Variants in CSMD1 observed in about 807,000 individuals in gnomAD.
The protein encoded by CSMD1 is CUB and Sushi multiple domains 1, also known as CUB and sushi domain-containing protein 1.
Under a neutral mutation model 417.5 loss-of-function variants are expected in CSMD1, and 213 were observed. The observed-to-expected ratio is 0.51, with a 90% CI of 0.46 to 0.57. The LOEUF is 0.57. Ranked by LOEUF, CSMD1 falls within the 20% of genes least tolerant of loss-of-function variation. The pLI, the probability that CSMD1 is intolerant of heterozygous loss-of-function variation, is 0.00. For missense variants in CSMD1, 6,923 were observed against 4,529.7 expected (o/e 1.53, Z -15.17); for synonymous variants, 2,862 against 1,736.8 (o/e 1.65, Z -16.11).
intron 33 of CSMD1, among the ~76,000 whole-genome samples, chr8:3,191,280 C>A (rs1262291376): frequency 1.3e-5 from 2 of 151,836 alleles, no homozygotes; most frequent in Non-Finnish European, 1.5e-5. Flanking sequence ...ACAGGTGAAA[C>A]CCCCGTCTCT....
chr8:3,545,246 A>G (rs1248109286), intron 10 of CSMD1, among the ~76,000 whole-genome samples: 1 of 152,182 alleles, frequency 6.6e-6, no homozygotes, highest in Non-Finnish European at 1.5e-5. Flanking sequence ...GTATGTGTCT[A>G]TGAACTTTTC....
chr8:4,243,097 C>T (rs187502714), intron 3 of CSMD1, among the ~76,000 whole-genome samples: 133 of 152,056 alleles, frequency 8.7e-4, no homozygotes, highest in Non-Finnish European at 1.6e-3. Context: ...TCTTAGAATC[C>T]GGAACATGTT....
chr8:3,498,268 T>C (rs1218680361), intron 10 of CSMD1, among the ~76,000 whole-genome samples: 6 of 152,204 alleles, frequency 3.9e-5, no homozygotes, highest in Non-Finnish European at 5.9e-5. Context: ...TGTATTTATA[T>C]TGCTATATCA....
chr8:3,981,950 T>A (rs1220941174), intron 5 of CSMD1, among the ~76,000 whole-genome samples: 1 of 151,910 alleles, frequency 6.6e-6, no homozygotes, highest in Non-Finnish European at 1.5e-5. Context: ...GGCAGGTGGA[T>A]CACAAGTTCA....
rs556404211 is a variant in CSMD1, at chr8:4,544,017, G to C, written c.302+93325C>G. Among the ~76,000 whole-genome samples the C allele has an allele frequency of 6.6e-5, 10 of 152,052 alleles. No individual in the cohort carries two copies. In the East Asian group the frequency reaches 1.9e-3, roughly 29 times the overall value. On this transcript the variant is annotated intron_variant, in intron 2 of 69. Coordinates refer to ENST00000635120, the MANE Select transcript of CSMD1 (RefSeq NM_033225.6). ...GTTTTACATTTAATTATATATTTTCGGACACAGGCCCTTTATCAGAAATCC... is the reference window on the plus strand; with the variant it reads ...GTTTTACATTTAATTATATATTTTCCGACACAGGCCCTTTATCAGAAATCC...
intron 26 of CSMD1, among the ~76,000 whole-genome samples, chr8:3,268,934 TAGAA>T (rs1273740244): frequency 6.6e-6 from 1 of 152,202 alleles, no homozygotes; most frequent in Non-Finnish European, 1.5e-5. Flanking sequence ...GTATTTTTTA[TAGAA>T]AGAAGCTGAT....
chr8:4,782,370 A>G (rs1216247479), intron 1 of CSMD1, among the ~76,000 whole-genome samples: 1 of 152,228 alleles, frequency 6.6e-6, no homozygotes, highest in Admixed American at 6.5e-5. Flanking sequence ...TACCCCATAA[A>G]TATGTACAAT....
intron 1 of CSMD1, among the ~76,000 whole-genome samples, chr8:4,960,842 C>T (rs1262386561): frequency 6.6e-6 from 1 of 152,042 alleles, no homozygotes; most frequent in African/African-American, 2.4e-5. Context: ...TCATTTACAT[C>T]ATAAGTTATA....
intron 3 of CSMD1, among the ~76,000 whole-genome samples, chr8:4,064,448 A>G (rs894583811): frequency 6.6e-6 from 1 of 152,164 alleles, no homozygotes; most frequent in East Asian, 1.9e-4. Context: ...CCAAGTTTTA[A>G]ATTTTCATAT....
intron 3 of CSMD1, among the ~76,000 whole-genome samples, chr8:4,063,273 G>A (rs2740877): frequency 8.4e-6 from 1 of 119,654 alleles, no homozygotes; most frequent in South Asian, 2.6e-4. Context: ...TTATTACATA[G>A]AACAAAAAAA....
chr8:3,389,016 G>C (rs986138544), intron 17 of CSMD1, among the ~76,000 whole-genome samples: 1 of 152,010 alleles, frequency 6.6e-6, no homozygotes, highest in South Asian at 2.1e-4. Context: ...GGCTCCAAAT[G>C]AACACATGGT....
At chr8:3,644,731 G>T (rs1797487268) in intron 7 of CSMD1, among the ~76,000 whole-genome samples, 1 of 152,016 alleles carries the variant, frequency 6.6e-6, no homozygotes, top group East Asian at 1.9e-4. Context: ...GCCTGTCAGG[G>T]GGGTGCAGTG....
intron 42 of CSMD1, among the ~76,000 whole-genome samples, chr8:3,114,925 C>G (rs1269972415): frequency 6.6e-6 from 1 of 152,128 alleles, no homozygotes; most frequent in African/African-American, 2.4e-5. Context: ...ATTATTTACA[C>G]TAATAATTAT....
At chr8:3,257,882 G>A (rs1800777584) in intron 26 of CSMD1, among the ~76,000 whole-genome samples, 1 of 152,080 alleles carries the variant, frequency 6.6e-6, no homozygotes, top group Admixed American at 6.6e-5. Context: ...GGCCATTGCT[G>A]GGTTCTGAAA....
chr8:4,841,228 A>G (rs1291833891), intron 1 of CSMD1, among the ~76,000 whole-genome samples: 1 of 152,246 alleles, frequency 6.6e-6, no homozygotes, highest in Non-Finnish European at 1.5e-5. Flanking sequence ...GATAAAAGGG[A>G]AACAAGTGCA....
chr8:3,875,661 G>C (rs1405812838), intron 5 of CSMD1, among the ~76,000 whole-genome samples: 4 of 152,184 alleles, frequency 2.6e-5, no homozygotes, highest in African/African-American at 7.2e-5. Context: ...AGTGGGTGGT[G>C]AATTCCAGGA....
At chr8:3,850,952 T>C (rs11995945) in intron 5 of CSMD1, among the ~76,000 whole-genome samples, 347 of 152,300 alleles carry the variant, frequency 2.3e-3, no homozygotes, top group African/African-American at 8.0e-3. Context: ...TTTTAACTTG[T>C]TGTTATATAA....
At chr8:4,453,642 G>C (rs1329743700) in intron 2 of CSMD1, among the ~76,000 whole-genome samples, 1 of 151,950 alleles carries the variant, frequency 6.6e-6, no homozygotes, top group East Asian at 1.9e-4. Flanking sequence ...ACTGGCATGT[G>C]TATCTCTAGC....
chr8:4,260,670 T>A (rs2128840732), intron 3 of CSMD1, among the ~76,000 whole-genome samples: 1 of 152,326 alleles, frequency 6.6e-6, no homozygotes, highest in South Asian at 2.1e-4. Flanking sequence ...AATTTCAGTT[T>A]TTGCGAGAGG....
Sources: gnomAD v4.1 joint callset for allele counts (sites outside exome capture counted in the v4.1 genomes callset) on GRCh38, gnomAD v4.1.1 for gene constraint, MANE v1.5 for transcripts, NCBI Gene and HGNC (gene_info 2026-07-23, HGNC 2026-07-21) for gene names.